The following NCOR2 variants were observed in gnomAD, a reference collection of about 807,000 sequenced individuals.
NCOR2 encodes the protein nuclear receptor corepressor 2, also known as CTG repeat protein 26.
NCOR2 carries 81 observed loss-of-function variants against 262.9 expected under a neutral mutation model. The observed-to-expected ratio is 0.31, with a 90% CI of 0.26 to 0.37. The LOEUF is 0.37. NCOR2 is among the 10% of genes least tolerant of loss of function. The pLI is 1.00. For synonymous variants in NCOR2, 1,659 were observed against 1,559.3 expected (o/e 1.06, Z -1.51); for missense variants, 3,385 against 3,621.4 (o/e 0.93, Z 1.68).
chr12:124,527,419 T>C (rs2137127349), intron 1 of NCOR2, among the ~76,000 whole-genome samples: 1 of 152,254 alleles, frequency 6.6e-6, no homozygotes, highest in Admixed American at 6.5e-5. Flanking sequence ...AATAATTTTT[T>C]ATTTATTTTT....
At chr12:124,485,951 A>ACCCCACCTCCCTCCCACT (rs67192972) in intron 2 of NCOR2, among the ~76,000 whole-genome samples, 3 of 76,098 alleles carry the variant, frequency 3.9e-5, no homozygotes, top group Non-Finnish European at 8.2e-5. Context: ...CCAGCTCCCC[A>ACCCCACCTCCCTCCCACT]CCCCACCTCC....
intron 1 of NCOR2, among the ~76,000 whole-genome samples, chr12:124,555,524 C>T (rs936393458): frequency 1.3e-5 from 2 of 152,212 alleles, no homozygotes; most frequent in Admixed American, 1.3e-4. Context: ...CACTCCCCTA[C>T]GCACCAGGGA....
At chr12:124,511,291 T>A (rs1019655317) in intron 1 of NCOR2, among the ~76,000 whole-genome samples, 1 of 152,180 alleles carries the variant, frequency 6.6e-6, no homozygotes, top group African/African-American at 2.4e-5. Context: ...GGTCTCCAAG[T>A]GGCCGAGAAC....
At chr12:124,558,083 C>T (rs897356124) in intron 1 of NCOR2, among the ~76,000 whole-genome samples, 1 of 152,178 alleles carries the variant, frequency 6.6e-6, no homozygotes, top group African/African-American at 2.4e-5. Flanking sequence ...GTCACCGAGA[C>T]ACTATAGCCA....
chr12:124,420,186 C>G (rs2043132923), intron 12 of NCOR2, 131 bp from the exon 15 acceptor site: 2 of 653,128 alleles, frequency 3.1e-6, no homozygotes, highest in Non-Finnish European at 5.4e-6. Flanking sequence ...GACAGATGAC[C>G]TAACCTCTGT....
At chr12:124,485,549 C>T (rs74529105) in intron 2 of NCOR2, among the ~76,000 whole-genome samples, 12,994 of 152,250 alleles carry the variant, frequency 0.085, 914 homozygotes, top group African/African-American at 0.19. Context: ...TTGAAGCCGC[C>T]CAGTTTGTGG....
intron 7 of NCOR2, among the ~76,000 whole-genome samples, chr12:124,442,497 G>A (rs1308162793): frequency 6.6e-6 from 1 of 152,240 alleles, no homozygotes; most frequent in Non-Finnish European, 1.5e-5. Context: ...AGGGGTGCCA[G>A]GTGACGTGTG....
At chr12:124,506,154 G>A (rs1482250313) in intron 1 of NCOR2, among the ~76,000 whole-genome samples, 2 of 152,144 alleles carry the variant, frequency 1.3e-5, no homozygotes, top group East Asian at 1.9e-4. Flanking sequence ...AACACCAGAG[G>A]CAGCAGACGC....
Position 124,435,849 on chromosome 12 carries a change from CA to C in NCOR2, c.882+2080del, listed in dbSNP as rs1239893663. On this transcript the variant is annotated intron_variant, in intron 8 of 46. Transcript: ENST00000405201. Reference sequence around the variant, plus strand: ...GTCTGGGTTCAAATCTCAGCTCCACCACTTCCCAGCTGTGTGACCTAGGGCA... The same window carrying C: ...GTCTGGGTTCAAATCTCAGCTCCACCCTTCCCAGCTGTGTGACCTAGGGCA... Among the ~76,000 whole-genome samples, 5 of 152,328 alleles carry C rather than the reference CA, an allele frequency of 3.3e-5. No individual in the cohort carries two copies. In the East Asian group the frequency reaches 7.7e-4, roughly 24 times the overall value.
chr12:124,428,581 G>A (rs2043729836), intron 10 of NCOR2, among the ~76,000 whole-genome samples: 1 of 152,116 alleles, frequency 6.6e-6, no homozygotes, highest in Non-Finnish European at 1.5e-5. Flanking sequence ...AGCATCGCAG[G>A]GCAGCGCGTT....
chr12:124,541,535 G>T (rs369260732), intron 1 of NCOR2, among the ~76,000 whole-genome samples: 1 of 25,546 alleles, frequency 3.9e-5, no homozygotes, highest in Non-Finnish European at 7.9e-5. Flanking sequence ...AGATGGAGAG[G>T]GAAGGGGAGT....
intron 22 of NCOR2, among the ~76,000 whole-genome samples, chr12:124,360,755 C>T (rs770675842): frequency 5.9e-5 from 9 of 152,168 alleles, no homozygotes; most frequent in Non-Finnish European, 1.0e-4. Context: ...TCCCTCTGCC[C>T]GCAATGCCCA....
exon 43 of NCOR2, chr12:124,332,389 G>A (rs2135748757): frequency 6.2e-7 from 1 of 1,614,226 alleles, no homozygotes. Flanking sequence ...ACTTGACCAT[G>A]GCGGAGTTGC....
At chr12:124,535,924 C>T (rs1458405543), upstream of NCOR2, among the ~76,000 whole-genome samples, 2 of 152,102 alleles carry the variant, frequency 1.3e-5, no homozygotes, top group African/African-American at 4.8e-5. Flanking sequence ...CGAGGGGCCC[C>T]GGGCCACACG....
At chr12:124,450,436 G>A (rs547906566) in intron 6 of NCOR2, among the ~76,000 whole-genome samples, 119 of 152,210 alleles carry the variant, frequency 7.8e-4, no homozygotes, top group African/African-American at 2.8e-3. Flanking sequence ...GAACACCGAC[G>A]CCCCCGCTTC....
chr12:124,473,843 C>G (rs1404911774), intron 3 of NCOR2, among the ~76,000 whole-genome samples: 1 of 152,150 alleles, frequency 6.6e-6, no homozygotes, highest in Non-Finnish European at 1.5e-5. Flanking sequence ...CCAATACACC[C>G]CGGGTTTCCA....
At chr12:124,461,780 C>T (rs1487184261) in intron 5 of NCOR2, among the ~76,000 whole-genome samples, 1 of 152,234 alleles carries the variant, frequency 6.6e-6, no homozygotes, top group Non-Finnish European at 1.5e-5. Flanking sequence ...CACAGATGCA[C>T]GAATACCTAT....
chr12:124,378,487 C>T lies in NCOR2; in HGVS notation c.2020-103G>A, dbSNP rs1191636015. 1.1e-5 allele frequency: 13 copies of T among 1,227,246 alleles called. No individual in the cohort carries two copies. Among genetic ancestry groups the T allele is most frequent in the Middle Eastern group, 2.8e-4 (1 of 3,594 alleles). 76.0% of individuals were successfully genotyped at this position (1,227,246 alleles called of 1,614,324 possible). ...CCGCAGGTGCAAAGGGCAGTGATCC[C>T]GGCCATGTAGCAATGAGGGTGACCG... On this transcript the variant is annotated intron_variant, in intron 17 of 46. Transcript: ENST00000405201. This position sits in a 1 kb window ranked among gnomAD's most constrained non-coding sequence, Gnocchi z 4.2.
intron 16 of NCOR2, among the ~76,000 whole-genome samples, chr12:124,392,163 A>AT (rs1243946285): frequency 6.6e-6 from 1 of 152,218 alleles, no homozygotes; most frequent in African/African-American, 2.4e-5. Context: ...GTCAGGAGCC[A>AT]TGTGGATGCG....
Sources: allele counts gnomAD v4.1 joint callset (sites outside exome capture counted in the v4.1 genomes callset), GRCh38; gene constraint gnomAD v4.1.1; non-coding constraint Gnocchi (gnomAD v3.1); transcripts MANE v1.5; gene names NCBI Gene and HGNC (gene_info 2026-07-23, HGNC 2026-07-21).